KSR1: variants seen among roughly 807,000 people sequenced by gnomAD.
KSR1 encodes kinase suppressor of ras 1, also known as kinase suppressor of ras.
In KSR1, 35 loss-of-function variants were observed where a neutral mutation model predicts 92.9. That is an observed-to-expected ratio of 0.38 (90% CI 0.29 to 0.50). The LOEUF is 0.50. Among genes scored for constraint, KSR1 ranks in the 20% least tolerant of loss-of-function variants. The pLI, the probability that KSR1 is intolerant of heterozygous loss-of-function variation, is 0.94. For missense variants in KSR1, 972 were observed against 1,158.5 expected (o/e 0.84, Z 2.34); for synonymous variants, 467 against 472.6 (o/e 0.99, Z 0.15).
intron 1 of KSR1, among the ~76,000 whole-genome samples, chr17:27,464,573 A>G (rs1470072299): frequency 6.6e-6 from 1 of 152,062 alleles, no homozygotes; most frequent in African/African-American, 2.4e-5. Context: ...ATAAAATATT[A>G]GCCAGGGGTG....
chr17:27,480,240 C>T (rs2068471798), intron 1 of KSR1, among the ~76,000 whole-genome samples: 1 of 152,176 alleles, frequency 6.6e-6, no homozygotes, highest in African/African-American at 2.4e-5. Flanking sequence ...GAGGTCTTCT[C>T]TAAGCAGCCC....
intron 1 of KSR1, among the ~76,000 whole-genome samples, chr17:27,466,739 G>A (rs76237983): frequency 2.6e-5 from 4 of 152,230 alleles, no homozygotes; most frequent in South Asian, 2.1e-4. Context: ...CCTGTTTCTC[G>A]TGGTGGCTTT....
intron 1 of KSR1, among the ~76,000 whole-genome samples, chr17:27,521,794 C>T (rs1237270401): frequency 2.0e-5 from 3 of 152,184 alleles, no homozygotes; most frequent in Non-Finnish European, 4.4e-5. Context: ...CGTCTGAGCT[C>T]CCAAAGCACC....
At chr17:27,502,702 C>G (rs1345058938) in intron 1 of KSR1, among the ~76,000 whole-genome samples, 1 of 152,208 alleles carries the variant, frequency 6.6e-6, no homozygotes, top group Non-Finnish European at 1.5e-5. Context: ...CAGAACCTAC[C>G]TCAACCGTAA....
At chr17:27,622,944 C>G in intron 20 of KSR1, 1 of 275,448 alleles carries the variant, frequency 3.6e-6, no homozygotes, top group Non-Finnish European at 6.8e-6. Context: ...GGAACATGCC[C>G]TGTCACTCCT....
intron 2 of KSR1, among the ~76,000 whole-genome samples, chr17:27,553,964 C>G (rs970043905): frequency 6.6e-6 from 1 of 152,206 alleles, no homozygotes; most frequent in Non-Finnish European, 1.5e-5. Flanking sequence ...CTATTTTATT[C>G]TGTTTCTTAA....
chr17:27,519,461 C>T (rs935223035), intron 1 of KSR1, among the ~76,000 whole-genome samples: 1 of 152,176 alleles, frequency 6.6e-6, no homozygotes, highest in African/African-American at 2.4e-5. Context: ...TCCCCTTCAA[C>T]CCCCGGCATT....
At chr17:27,547,000 G>A (rs546115233) in intron 1 of KSR1, among the ~76,000 whole-genome samples, 8 of 152,238 alleles carry the variant, frequency 5.3e-5, no homozygotes, top group Non-Finnish European at 1.2e-4. Context: ...CTGGGTCTGT[G>A]GTTTCATCAG....
intron 13 of KSR1, among the ~76,000 whole-genome samples, chr17:27,605,154 G>A (rs2073705931): frequency 6.6e-6 from 1 of 152,234 alleles, no homozygotes; most frequent in East Asian, 1.9e-4. Flanking sequence ...GCTCTTTCCT[G>A]GACAATTAGA....
At position 27,610,085 on chromosome 17, in the gene KSR1, G is replaced by A; in HGVS notation, c.2244G>A (p.Lys748=). 1 of 1,614,002 alleles carries A rather than the reference G, an allele frequency of 6.2e-7. No individual in the cohort carries two copies. The highest frequency in any genetic ancestry group is 1.3e-5 in the African/African-American group (1 of 75,072). Reference sequence around the variant, plus strand: ...TCTCCAGGCGTGAGAACCAGCTAAAGCTGTCCCACGACTGGCTGTGCTATC... The same window carrying A: ...TCTCCAGGCGTGAGAACCAGCTAAAACTGTCCCACGACTGGCTGTGCTATC... The part of the protein sequence containing the change: ...VREGRRENQL[K]LSHDWLCYLA... Residue 748 remains lysine (K), a synonymous_variant, in exon 17 of 21, where the codon AAG becomes AAA. Transcript: ENST00000644974.
At chr17:27,621,522 C>G (rs2074223692) in intron 20 of KSR1, among the ~76,000 whole-genome samples, 1 of 152,216 alleles carries the variant, frequency 6.6e-6, no homozygotes, top group Admixed American at 6.5e-5. Flanking sequence ...GAATGGGTGG[C>G]TTGTCCCTGG....
intron 2 of KSR1, among the ~76,000 whole-genome samples, chr17:27,551,160 A>G (rs2071384878): frequency 1.3e-5 from 2 of 152,244 alleles, no homozygotes; most frequent in African/African-American, 4.8e-5. Flanking sequence ...CTAGTAAATG[A>G]TAGCTTGGAA....
intron 19 of KSR1, among the ~76,000 whole-genome samples, chr17:27,619,966 G>C (rs1044088546): frequency 6.6e-6 from 1 of 152,190 alleles, no homozygotes; most frequent in Admixed American, 6.5e-5. Context: ...CCACAGTGCT[G>C]GGATTACAGG....
Position 27,526,495 on chromosome 17 carries a change from T to C in KSR1, c.232-24073T>C. The C allele has an allele frequency of 9.4e-6, 15 of 1,603,090 alleles. No individual in the cohort carries two copies. In the South Asian group the frequency reaches 1.7e-4, roughly 18 times the overall value. On this transcript the variant is annotated intron_variant, in intron 1 of 20. Coordinates refer to ENST00000644974, the MANE Select transcript of KSR1 (RefSeq NM_001394583.1). ...CTTCTCTTTATTGAGAACTTCATTT[T>C]TATCCTGTGTTCCTCCTCTGCCATC...
At chr17:27,528,826 G>T (rs2070420308) in intron 1 of KSR1, among the ~76,000 whole-genome samples, 1 of 152,114 alleles carries the variant, frequency 6.6e-6, no homozygotes, top group African/African-American at 2.4e-5. Context: ...GATTGCTTGA[G>T]CCTGGGAGTG....
intron 1 of KSR1, among the ~76,000 whole-genome samples, chr17:27,457,755 G>C (rs920871541): frequency 3.9e-5 from 6 of 152,162 alleles, no homozygotes; most frequent in African/African-American, 1.4e-4. Flanking sequence ...ATGTGATTTT[G>C]GCCAGGGACG....
intron 1 of KSR1, among the ~76,000 whole-genome samples, chr17:27,533,360 C>T (rs1299072996): frequency 4.0e-5 from 6 of 151,688 alleles, no homozygotes; most frequent in Non-Finnish European, 7.4e-5. Context: ...TCTCAAGCCC[C>T]CTTAGTACAG....
intron 4 of KSR1, among the ~76,000 whole-genome samples, chr17:27,584,731 A>G (rs2072903867): frequency 6.6e-6 from 1 of 152,184 alleles, no homozygotes; most frequent in Non-Finnish European, 1.5e-5. Context: ...CAGAACCAGC[A>G]CTGACGTGAC....
chr17:27,619,395 C>CT lies in KSR1; in HGVS notation c.2628-1779dup, dbSNP rs147046166. On this transcript the variant is annotated intron_variant, in intron 19 of 20. Transcript: ENST00000644974. The stretch of plus-strand genomic sequence containing the variant: ...TTGCACATTGTTTTCTGGGCTGTAT[C>CT]TTTTTTTTTTTTTTTTTTTAAAGGC... Among the ~76,000 whole-genome samples the CT allele has an allele frequency of 5.7e-3, 752 of 131,872 alleles. 5 individuals are homozygous for CT. The highest frequency in any genetic ancestry group is 0.012 in the Middle Eastern group (3 of 248). The allele number at this position is 131,872 out of a possible 152,430, so 86.5% of individuals were successfully genotyped here.
Sources: gnomAD v4.1 joint callset for allele counts (sites outside exome capture counted in the v4.1 genomes callset) on GRCh38, gnomAD v4.1.1 for gene constraint, MANE v1.5 for transcripts, NCBI Gene and HGNC (gene_info 2026-07-23, HGNC 2026-07-21) for gene names.